Variants in LRRK2 observed in about 807,000 individuals in gnomAD.
LRRK2 encodes leucine-rich repeat serine/threonine-protein kinase 2.
A neutral mutation model predicts 302.6 loss-of-function variants in LRRK2; 203 were observed. The observed-to-expected ratio is 0.67, with a 90% confidence interval of 0.60 to 0.75. LRRK2 has a LOEUF of 0.75. LRRK2 is among the 30% of genes least tolerant of loss of function. The pLI is 0.00. For missense variants in LRRK2, 2,830 were observed against 2,951.0 expected (o/e 0.96, Z 0.95); for synonymous variants, 1,066 against 1,031.9 (o/e 1.03, Z -0.63).
At chr12:40,337,512 C>T (rs1321583123) in intron 40 of LRRK2, among the ~76,000 whole-genome samples, 6 of 152,114 alleles carry the variant, frequency 3.9e-5, no homozygotes, top group African/African-American at 1.2e-4. Context: ...AGTTGCCAGG[C>T]CAGGATACTT....
chr12:40,363,627 T>A (rs1322097434), intron 48 of LRRK2, 73 bp downstream of exon 48: 10 of 1,523,018 alleles, frequency 6.6e-6, no homozygotes, highest in Non-Finnish European at 8.1e-6. Flanking sequence ...GAGGAAGGAT[T>A]TTTCTTCCTT....
intron 6 of LRRK2, among the ~76,000 whole-genome samples, chr12:40,242,781 A>T (rs1321855542): frequency 1.6e-5 from 2 of 122,038 alleles, no homozygotes; most frequent in Non-Finnish European, 3.5e-5. Context: ...CAACAGTGTA[A>T]AAGTGTTCCT....
intron 39 of LRRK2, among the ~76,000 whole-genome samples, chr12:40,331,006 C>G (rs1945697297): frequency 6.6e-6 from 1 of 152,094 alleles, no homozygotes; most frequent in African/African-American, 2.4e-5. Flanking sequence ...GATAAAATGT[C>G]CATAGGTGTT....
rs766383226 is a variant in LRRK2 at position 40,346,882 on chromosome 12, C to A, written c.6239C>A (p.Pro2080Gln). ...GGRIVEGLKF[P>Q]NEFDELEIQG... is the part of the protein sequence containing the mutation. ...AGAATAGTAGAGGGTTTGAAGTTTC[C>A]AAATGAGTTTGATGAATTAGAAATA... Residue 2080 changes from proline (P) to glutamine (Q), a missense_variant, in exon 42 of 51, where the codon CCA becomes CAA. This residue lies in a region of LRRK2 where 253 missense variants were observed against 346.7 expected (regional missense o/e 0.73). Coordinates refer to ENST00000298910, the MANE Select transcript of LRRK2 (RefSeq NM_198578.4). 6.2e-7 allele frequency: 1 copy of A among 1,612,982 alleles called. No individual in the cohort carries two copies. Among genetic ancestry groups the A allele is most frequent in the Non-Finnish European group, 8.5e-7 (1 of 1,179,656 alleles).
chr12:40,343,612 G>A (rs568695104), intron 41 of LRRK2, among the ~76,000 whole-genome samples: 52 of 152,030 alleles, frequency 3.4e-4, no homozygotes, highest in Non-Finnish European at 5.3e-4. Context: ...TACTTATTGC[G>A]TTTGTTAAAA....
At position 40,277,975 on chromosome 12, in the gene LRRK2, C is replaced by T. The variant is rs754137010; in HGVS notation, c.2029C>T (p.His677Tyr). 3 of 1,613,224 alleles carry T rather than the reference C, an allele frequency of 1.9e-6. No homozygotes were observed. Among genetic ancestry groups the T allele is most frequent in the Non-Finnish European group, 2.5e-6 (3 of 1,179,814 alleles). The change falls in exon 17 of 51, where the codon CAT (histidine) becomes TAT (tyrosine). Residue 677 changes from histidine (H) to tyrosine (Y), a missense_variant. By Grantham distance (83) the His-to-Tyr change is moderately conservative (BLOSUM62 2). Around this residue, in one of 3 missense-constraint regions of LRRK2, gnomAD observed 2,121 missense variants for 2,148.0 expected, o/e 0.99. Coordinates refer to ENST00000298910, the MANE Select transcript of LRRK2 (RefSeq NM_198578.4). ...VHHSFDLVIF[H>Y]QMSSNIMEQK... ...TCATTCATTTGACTTAGTAATATTC[C>T]ATCAAATGTCTTCCAATATCATGGA...
At chr12:40,365,572 G>C (rs1292291305) in intron 49 of LRRK2, 1 of 151,598 alleles carries the variant, frequency 6.6e-6, no homozygotes, top group African/African-American at 2.4e-5. Context: ...TGATAAAATT[G>C]TGATAGCACA....
At chr12:40,365,086 C>T in intron 49 of LRRK2, 36 bp downstream of exon 49, 1 of 1,564,442 alleles carries the variant, frequency 6.4e-7, no homozygotes, top group Non-Finnish European at 8.8e-7. Context: ...TTCATATTCT[C>T]TAAGTCTTAT....
Position 40,323,194 on chromosome 12 carries a change from C to A in LRRK2, c.5544C>A (p.Leu1848=). The change falls in exon 38 of 51, where the codon CTC becomes CTA. Residue 1848 remains leucine, a synonymous_variant. Coordinates refer to ENST00000298910, the MANE Select transcript of LRRK2 (RefSeq NM_198578.4). ...DLLVNPDQPR[L]TIPISQIAPD... ...TAGTAAATCCAGATCAACCAAGGCT[C>A]ACCATTCCAATATCTCAGATTGCCC... 1 of 1,613,270 alleles carries A rather than the reference C, an allele frequency of 6.2e-7. No homozygotes were observed. The highest frequency in any genetic ancestry group is 1.1e-5 in the South Asian group (1 of 91,034).
chr12:40,263,763 CTTTA>C (rs781665141), intron 13 of LRRK2, 22 bp from the exon 14 acceptor site: 180 of 1,507,238 alleles, frequency 1.2e-4, no homozygotes, highest in Non-Finnish European at 1.5e-4. Context: ...AAAATTCTTT[CTTTA>C]TTTATTTATC....
At chr12:40,311,431 C>G (rs553346421) in intron 31 of LRRK2, among the ~76,000 whole-genome samples, 1 of 152,070 alleles carries the variant, frequency 6.6e-6, no homozygotes, top group Non-Finnish European at 1.5e-5. Context: ...GAAAAATACC[C>G]TTGATAGTTC....
intron 30 of LRRK2, among the ~76,000 whole-genome samples, chr12:40,309,653 T>C (rs1944969963): frequency 6.6e-6 from 1 of 152,174 alleles, no homozygotes; most frequent in African/African-American, 2.4e-5. Context: ...ATCCTTTAAG[T>C]GGTCCCAGAT....
intron 14 of LRRK2, among the ~76,000 whole-genome samples, chr12:40,269,996 G>C (rs996017446): frequency 6.6e-6 from 1 of 152,092 alleles, no homozygotes; most frequent in African/African-American, 2.4e-5. Flanking sequence ...ACTACCTACA[G>C]ACTATGCACC....
At chr12:40,255,480 T>C (rs935971477) in intron 11 of LRRK2, among the ~76,000 whole-genome samples, 5 of 152,238 alleles carry the variant, frequency 3.3e-5, no homozygotes, top group Non-Finnish European at 7.3e-5. Context: ...GACTTTATGA[T>C]GAAATTTCTT....
rs531805967 is a variant in LRRK2 at position 40,315,250 on chromosome 12, A to C, written c.4777A>C (p.Ser1593Arg). The change falls in exon 33 of 51, where the codon AGT (serine) becomes CGT (arginine). Residue 1593 changes from serine to arginine, a missense_variant. Coordinates refer to ENST00000298910, the MANE Select transcript of LRRK2 (RefSeq NM_198578.4). ...LHFQDPALQL[S>R]DLYFVEPKWL... ...TTTTCAAGACCCAGCACTGCAGTTA[A>C]GTGACTTGTACTTTGTGGAACCCAA... 1 of 1,612,730 alleles carries C rather than the reference A, an allele frequency of 6.2e-7. No homozygotes were observed. The highest frequency in any genetic ancestry group is 1.7e-5 in the Admixed American group (1 of 59,944).
intron 41 of LRRK2, 103 bp downstream of exon 41, chr12:40,340,557 T>C (rs1946008870): frequency 5.2e-6 from 6 of 1,154,374 alleles, no homozygotes; most frequent in Non-Finnish European, 7.8e-6. Context: ...GTCTATCACA[T>C]TGTGAACAGA....
intron 44 of LRRK2, among the ~76,000 whole-genome samples, chr12:40,352,480 A>ATTTTTTTTTTT (rs1946383904): frequency 5.3e-5 from 1 of 18,818 alleles, no homozygotes; most frequent in African/African-American, 1.4e-4. Context: ...TTTTTTTTTT[A>ATTTTTTTTTTT]ATTGATCATT....
At chr12:40,340,556 A>G in intron 41 of LRRK2, 102 bp downstream of exon 41, 5 of 1,161,084 alleles carry the variant, frequency 4.3e-6, no homozygotes, top group Non-Finnish European at 6.5e-6. Context: ...AGTCTATCAC[A>G]TTGTGAACAG....
chr12:40,323,087 C>T, intron 37 of LRRK2, 73 bp from the exon 38 acceptor site: 2 of 1,278,048 alleles, frequency 1.6e-6, no homozygotes, highest in Non-Finnish European at 2.2e-6. Context: ...ATTATTTTTT[C>T]ACATCAAAAC....
Sources: allele counts gnomAD v4.1 joint callset (sites outside exome capture counted in the v4.1 genomes callset), GRCh38; gene constraint gnomAD v4.1.1; regional missense constraint gnomAD v4.1.1; transcripts MANE v1.5; gene names NCBI Gene and HGNC (gene_info 2026-07-23, HGNC 2026-07-21).